The following DNAH7 variants were observed in gnomAD, a reference collection of about 807,000 sequenced individuals.
The protein encoded by DNAH7 is dynein axonemal heavy chain 7.
DNAH7 carries 397 observed loss-of-function variants against 444.6 expected under a neutral mutation model. The ratio of observed to expected loss-of-function variants is 0.89; its 90% CI spans 0.82 to 0.97. The LOEUF (loss-of-function observed/expected upper bound fraction) is 0.97. Ranked by LOEUF, DNAH7 falls within the 50% of genes least tolerant of loss-of-function variation. DNAH7 has a pLI of 0.00. For synonymous variants in DNAH7, 1,636 were observed against 1,624.4 expected (o/e 1.01, Z -0.17); for missense variants, 4,902 against 4,800.8 (o/e 1.02, Z -0.62).
chr2:195,829,417 T>C (rs1697952428), intron 48 of DNAH7, among the ~76,000 whole-genome samples: 1 of 152,068 alleles, frequency 6.6e-6, no homozygotes. Context: ...TTGTTTCTTG[T>C]TTTATGGCAC....
chr2:196,023,795 A>C (rs1369206581), intron 8 of DNAH7, among the ~76,000 whole-genome samples: 1 of 152,162 alleles, frequency 6.6e-6, no homozygotes, highest in Non-Finnish European at 1.5e-5. Flanking sequence ...CTTCCTCACT[A>C]AGCTTAATTA....
chr2:195,986,664 C>G (rs1410732390), intron 14 of DNAH7, among the ~76,000 whole-genome samples: 2 of 152,152 alleles, frequency 1.3e-5, no homozygotes, highest in Non-Finnish European at 2.9e-5. Context: ...CCATGGCCCT[C>G]AAGAGTAATT....
chr2:195,826,504 C>T (rs542811507), intron 48 of DNAH7, among the ~76,000 whole-genome samples: 1 of 152,180 alleles, frequency 6.6e-6, no homozygotes, highest in Non-Finnish European at 1.5e-5. Flanking sequence ...GCTCCTTCGT[C>T]GCTCTCTTAA....
At chr2:195,925,457 G>A (rs528242894) in intron 22 of DNAH7, among the ~76,000 whole-genome samples, 1 of 152,246 alleles carries the variant, frequency 6.6e-6, no homozygotes, top group South Asian at 2.1e-4. Context: ...GGGCCCAAAA[G>A]TAAACTCAGG....
At position 196,001,810 on chromosome 2, in the gene DNAH7, C is replaced by CT. The variant is rs761292636; in HGVS notation, c.1037dup (p.Gln347AlafsTer6). 149 of 1,611,592 alleles carry CT rather than the reference C, an allele frequency of 9.2e-5. No individual in the cohort carries two copies. The highest frequency in any genetic ancestry group is 5.7e-4 in the Admixed American group (34 of 59,648). ...CACTGCTGTCACCAGTTGGCAATTG[C>CT]TTTTTTTTATTACCTTGGTAATAAA... On this transcript the variant is annotated frameshift_variant, in exon 11 of 65. Transcript: ENST00000312428. LOFTEE classifies it high-confidence loss of function.
At chr2:195,916,179 C>A (rs991248912) in intron 24 of DNAH7, among the ~76,000 whole-genome samples, 13 of 152,152 alleles carry the variant, frequency 8.5e-5, no homozygotes, top group African/African-American at 3.1e-4. Context: ...TAAAACTATA[C>A]AACTTCTATA....
chr2:195,996,161 G>A (rs1179793221), intron 12 of DNAH7, among the ~76,000 whole-genome samples: 1 of 152,102 alleles, frequency 6.6e-6, no homozygotes, highest in South Asian at 2.1e-4. Context: ...ACTTTTTCAC[G>A]TTGAGGAGAA....
intron 36 of DNAH7, 113 bp downstream of exon 36, chr2:195,881,682 A>G (rs568207835): frequency 9.0e-7 from 1 of 1,113,700 alleles, no homozygotes; most frequent in African/African-American, 1.6e-5. Context: ...AATTCTCTGC[A>G]GTTCAAACAT....
intron 47 of DNAH7, among the ~76,000 whole-genome samples, chr2:195,837,940 T>C (rs932766738): frequency 6.6e-6 from 1 of 152,054 alleles, no homozygotes; most frequent in African/African-American, 2.4e-5. Context: ...ATTTTGGCCA[T>C]TAAAAAAGTA....
At chr2:195,888,735 A>G in intron 32 of DNAH7, 64 bp downstream of exon 32, 5 of 1,502,096 alleles carry the variant, frequency 3.3e-6, no homozygotes, top group Non-Finnish European at 4.5e-6. Flanking sequence ...CAAAGGTACT[A>G]AGCAAATACA....
chr2:196,053,378 T>C (rs1472139955), intron 2 of DNAH7, among the ~76,000 whole-genome samples: 1 of 152,264 alleles, frequency 6.6e-6, no homozygotes, highest in Non-Finnish European at 1.5e-5. Flanking sequence ...TTTACACCTT[T>C]AGTCTCAGTT....
chr2:196,061,375 T>C (rs1559380527), intron 1 of DNAH7, among the ~76,000 whole-genome samples: 1 of 152,190 alleles, frequency 6.6e-6, no homozygotes, highest in Non-Finnish European at 1.5e-5. Context: ...CTATATTTGA[T>C]TTTTGCTCTC....
Position 195,793,602 on chromosome 2 carries a change from T to C in DNAH7, c.10716+736A>G, listed in dbSNP as rs576385961. ...AGAGATGGTTTGACTTAGTTTTAAA[T>C]ATAGGCCCCCTTTTATTTTTTAGTA... On this transcript the variant is annotated intron_variant, in intron 57 of 64. Coordinates refer to ENST00000312428, the MANE Select transcript of DNAH7 (RefSeq NM_018897.3). Among the ~76,000 whole-genome samples, 11 of 152,328 alleles carry C rather than the reference T, an allele frequency of 7.2e-5. No homozygotes were observed. In the South Asian group the frequency reaches 1.4e-3, roughly 20 times the overall value.
intron 9 of DNAH7, among the ~76,000 whole-genome samples, chr2:196,015,854 A>G (rs1242023771): frequency 2.0e-5 from 3 of 152,094 alleles, no homozygotes; most frequent in Admixed American, 2.0e-4. Context: ...GCCCTTGTTG[A>G]CTGTCCCCCC....
intron 31 of DNAH7, 77 bp downstream of exon 31, chr2:195,891,577 TG>T: frequency 7.7e-7 from 1 of 1,299,082 alleles, no homozygotes; most frequent in Non-Finnish European, 1.0e-6. Flanking sequence ...TTAGTTTGTT[TG>T]AAAAAAAAAT....
chr2:196,048,385 C>T lies in DNAH7; in HGVS notation c.161G>A (p.Trp54Ter). ...QLSMVSTKPH[W>*]QQAAPSFHLS... Reference sequence around the variant, plus strand: ...ATGGAATGATGGAGCTGCCTGCTGCCAGTGGGGCTTTGTACTCACCTAAAA... The same window carrying T: ...ATGGAATGATGGAGCTGCCTGCTGCTAGTGGGGCTTTGTACTCACCTAAAA... Residue 54 changes from tryptophan (W) to a stop codon, truncating the protein, a stop_gained, in exon 4 of 65, where the codon TGG becomes TAG. Transcript: ENST00000312428. LOFTEE classifies it high-confidence loss of function. 1 of 1,613,912 alleles carries T rather than the reference C, an allele frequency of 6.2e-7. No individual in the cohort carries two copies. Among genetic ancestry groups the T allele is most frequent in the Non-Finnish European group, 8.5e-7 (1 of 1,179,894 alleles).
chr2:195,968,176 C>A (rs1056410312), intron 17 of DNAH7, among the ~76,000 whole-genome samples: 2 of 152,168 alleles, frequency 1.3e-5, no homozygotes, highest in African/African-American at 2.4e-5. Context: ...GACTTGGGGG[C>A]CCCAAGGTCC....
At chr2:195,860,380 G>A (rs185191359) in intron 42 of DNAH7, among the ~76,000 whole-genome samples, 215 of 152,084 alleles carry the variant, frequency 1.4e-3, no homozygotes, top group African/African-American at 5.0e-3. Flanking sequence ...TTTCCATTAT[G>A]TTAAAGATCA....
Position 195,926,486 on chromosome 2 carries a change from G to A in DNAH7, c.3552C>T (p.Leu1184=). The change falls in exon 22 of 65, where the codon CTC becomes CTT. Residue 1184 remains leucine, a synonymous_variant. Transcript: ENST00000312428. ...TTGTCCAAAAGATTTGGGATACACAGAGAACAGTCTGTCCAGGCCAATCCC... is the reference window on the plus strand; with the variant it reads ...TTGTCCAAAAGATTTGGGATACACAAAGAACAGTCTGTCCAGGCCAATCCC... ...WVRDWPGQTV[L]CVSQIFWTKE... 1 of 1,606,198 alleles carries A rather than the reference G, an allele frequency of 6.2e-7. No homozygotes were observed. The highest frequency in any genetic ancestry group is 8.5e-7 in the Non-Finnish European group (1 of 1,176,876).
Sources: allele counts gnomAD v4.1 joint callset (sites outside exome capture counted in the v4.1 genomes callset), GRCh38; gene constraint gnomAD v4.1.1; transcripts MANE v1.5; gene names NCBI Gene and HGNC (gene_info 2026-07-23, HGNC 2026-07-21).